PYY: variants seen among roughly 807,000 people sequenced by gnomAD.
The protein encoded by PYY is peptide tyrosine tyrosine.
In PYY, 12 loss-of-function variants were observed where a neutral mutation model predicts 10.3. The observed-to-expected ratio is 1.17, with a 90% CI of 0.75 to 1.89. The LOEUF is 1.89. PYY is among the 40% of genes most tolerant of loss of function. The pLI, the probability that PYY is intolerant of heterozygous loss-of-function variation, is 0.00. For missense variants in PYY, 141 were observed against 134.0 expected, an observed-to-expected ratio of 1.05 and a Z score of -0.26; for synonymous variants, 66 against 62.0, an observed-to-expected ratio of 1.06 and a Z score of -0.30.
At chr17:43,968,668 C>T (rs2048769684) in intron 1 of PYY, among the ~76,000 whole-genome samples, 1 of 151,976 alleles carries the variant, frequency 6.6e-6, no homozygotes, top group Non-Finnish European at 1.5e-5. Context: ...AAAAATTAGC[C>T]AGGTGTGGTA....
chr17:43,962,460 T>A (rs944184173), intron 2 of PYY, among the ~76,000 whole-genome samples: 40 of 104,322 alleles, frequency 3.8e-4, no homozygotes, highest in African/African-American at 1.4e-3. Flanking sequence ...TTTTCTTATG[T>A]GAGAATGCTT....
rs1016744152 is a variant in PYY, at chr17:43,976,462, TAC to T, written c.-462-9932_-462-9931del. Reference sequence around the variant, plus strand: ...ATACATGTATACATATACATATATATACACACACACACATATATATATATGCC... The same window carrying T: ...ATACATGTATACATATACATATATATACACACACACATATATATATATGCC... On this transcript the variant is annotated intron_variant, in intron 1 of 6. Coordinates refer to the PYY transcript ENST00000360085. Among the ~76,000 whole-genome samples, 16 of 143,826 alleles carry T rather than the reference TAC, an allele frequency of 1.1e-4. 1 individual carries two copies. The highest frequency in any genetic ancestry group is 2.9e-4 in the Admixed American group (4 of 13,986). The allele number at this position is 143,826 out of a possible 152,430, so 94.4% of individuals were successfully genotyped here.
chr17:43,985,937 A>G (rs181177561), intron 1 of PYY, among the ~76,000 whole-genome samples: 2 of 152,330 alleles, frequency 1.3e-5, no homozygotes, highest in East Asian at 1.9e-4. Context: ...ATACACAGGA[A>G]GAAAAGTCTG....
chr17:43,952,814 C>A lies in PYY; in HGVS notation c.*142G>T. 1.1e-6 allele frequency: 1 copy of A among 901,400 alleles called. No individual in the cohort carries two copies. The highest frequency in any genetic ancestry group is 1.6e-6 in the Non-Finnish European group (1 of 610,180). The allele number at this position is 901,400 out of a possible 1,614,324, so 55.8% of individuals were successfully genotyped here. A position where few individuals can be genotyped will look rare whatever the true frequency, so the allele number is the denominator to read the frequency against. On this transcript the variant is annotated 3_prime_UTR_variant, in exon 4 of 4. Coordinates refer to ENST00000692052, the MANE Select transcript of PYY (RefSeq NM_001394028.1). ...CCCTCCAGCCCAGGGGGCGGGGGCACCGAGACGCGGGCGGAGGGCCGCACC... is the reference window on the plus strand; with the variant it reads ...CCCTCCAGCCCAGGGGGCGGGGGCAACGAGACGCGGGCGGAGGGCCGCACC...
At position 43,952,895 on chromosome 17, in the gene PYY, G is replaced by C; in HGVS notation, c.*61C>G. ...GCAGAATCCGGGTTTCTGGGGTCGG[G>C]AGTGCGTATGCAAATGACGTGGGCG... On this transcript the variant is annotated 3_prime_UTR_variant, in exon 4 of 4. Coordinates refer to ENST00000692052, the MANE Select transcript of PYY (RefSeq NM_001394028.1). 1 of 1,489,820 alleles carries C rather than the reference G, an allele frequency of 6.7e-7. No individual in the cohort carries two copies. Among genetic ancestry groups the C allele is most frequent in the Non-Finnish European group, 9.0e-7 (1 of 1,114,548 alleles). The allele number at this position is 1,489,820 out of a possible 1,614,324, so 92.3% of individuals were successfully genotyped here.
chr17:43,957,567 G>C (rs979143018), upstream of PYY, among the ~76,000 whole-genome samples: 2 of 151,182 alleles, frequency 1.3e-5, no homozygotes, highest in African/African-American at 2.4e-5. Context: ...TATGGCATGA[G>C]AATCACTTGA....
intron 1 of PYY, among the ~76,000 whole-genome samples, chr17:43,970,873 C>G (rs1250631374): frequency 2.6e-5 from 4 of 152,190 alleles, no homozygotes; most frequent in Admixed American, 6.5e-5. Context: ...CTTGAGATGA[C>G]TCCAATTTGT....
chr17:44,003,670 CAAA>C (rs34426332), intron 1 of PYY, among the ~76,000 whole-genome samples: 73 of 17,164 alleles, frequency 4.3e-3, no homozygotes, highest in East Asian at 0.042. Context: ...AACAAACAAA[CAAA>C]AAAAAAAAAA....
chr17:44,003,609 C>T (rs978983171), intron 1 of PYY, among the ~76,000 whole-genome samples: 2 of 140,876 alleles, frequency 1.4e-5, no homozygotes, highest in African/African-American at 2.6e-5. Flanking sequence ...GAGCCGAGAT[C>T]GCAACACTGC....
chr17:43,997,064 G>C (rs899426420), intron 1 of PYY, among the ~76,000 whole-genome samples: 1 of 151,828 alleles, frequency 6.6e-6, no homozygotes, highest in African/African-American at 2.4e-5. Flanking sequence ...TTTTGAGACA[G>C]AGTCTGTCTC....
intron 1 of PYY, among the ~76,000 whole-genome samples, chr17:44,003,528 G>C (rs993139042): frequency 2.0e-5 from 3 of 151,906 alleles, no homozygotes; most frequent in Non-Finnish European, 2.9e-5. Flanking sequence ...GATGGTGTCT[G>C]CCTGTAATCC....
chr17:43,963,486 C>T (rs2048726248), intron 2 of PYY, among the ~76,000 whole-genome samples: 1 of 120,768 alleles, frequency 8.3e-6, no homozygotes, highest in Non-Finnish European at 1.6e-5. Flanking sequence ...CCAGCCTGGG[C>T]AGCAGAGTGA....
chr17:43,999,510 G>A (rs2049011747), intron 1 of PYY, among the ~76,000 whole-genome samples: 1 of 146,738 alleles, frequency 6.8e-6, no homozygotes, highest in Non-Finnish European at 1.5e-5. Flanking sequence ...TTGGGAGGCT[G>A]AGGAGGGCAG....
intron 1 of PYY, among the ~76,000 whole-genome samples, chr17:43,995,823 C>T (rs571887704): frequency 7.7e-5 from 10 of 130,530 alleles, no homozygotes; most frequent in African/African-American, 2.7e-4. Context: ...GACACTCCAT[C>T]TCAATGAAAA....
intron 1 of PYY, among the ~76,000 whole-genome samples, chr17:43,978,246 A>G (rs1255195512): frequency 6.6e-6 from 1 of 150,836 alleles, no homozygotes; most frequent in African/African-American, 2.5e-5. Flanking sequence ...GAAAGGAAAG[A>G]AGGAAAGAAA....
intron 1 of PYY, among the ~76,000 whole-genome samples, chr17:44,000,065 G>A (rs2049015938): frequency 6.6e-6 from 1 of 152,124 alleles, no homozygotes; most frequent in Admixed American, 6.5e-5. Flanking sequence ...CCACGTTGGA[G>A]TGCAGTGGCG....
rs551757232 is a variant in PYY at position 43,999,725 on chromosome 17, G to A, written c.-463+4666C>T. On this transcript the variant is annotated intron_variant, in intron 1 of 6. Transcript: ENST00000360085. The stretch of plus-strand genomic sequence containing the variant: ...AGAGGTTGCAGTGAGCTGAGATCAC[G>A]CCATTGCACTCCAGCTTGGGCAACA... 5.3e-5 allele frequency among the ~76,000 whole-genome samples: 8 copies of A among 150,874 alleles called. 1 individual carries two copies. Among genetic ancestry groups the A allele is most frequent in the African/African-American group, 7.3e-5 (3 of 40,954 alleles).
intron 1 of PYY, among the ~76,000 whole-genome samples, chr17:43,989,249 C>T (rs2048936462): frequency 6.6e-6 from 1 of 152,042 alleles, no homozygotes; most frequent in Non-Finnish European, 1.5e-5. Flanking sequence ...TGGCGGGCGC[C>T]TGTAGTCCCA....
intron 1 of PYY, among the ~76,000 whole-genome samples, chr17:43,975,191 GA>G (rs1214407575): frequency 2.0e-5 from 3 of 152,278 alleles, no homozygotes; most frequent in African/African-American, 4.8e-5. Context: ...GATCAACCCA[GA>G]ACCATCTGTT....
Sources: gnomAD v4.1 joint callset for allele counts (sites outside exome capture counted in the v4.1 genomes callset) on GRCh38, gnomAD v4.1.1 for gene constraint, MANE v1.5 for transcripts, NCBI Gene and HGNC (gene_info 2026-07-23, HGNC 2026-07-21) for gene names.